Variants in NRCAM observed in about 807,000 individuals in gnomAD.
NRCAM encodes the protein neuronal cell adhesion molecule.
In NRCAM, 83 loss-of-function variants were observed where a neutral mutation model predicts 156.5. That is an observed-to-expected ratio of 0.53 (90% CI 0.44 to 0.64). The LOEUF is 0.64. Ranked by LOEUF, NRCAM falls within the 30% of genes least tolerant of loss-of-function variation. The probability of loss-of-function intolerance (pLI) is 0.00; values close to 1 mark genes in which losing one functional copy is unlikely to be tolerated. For synonymous variants in NRCAM, 538 were observed against 563.9 expected (o/e 0.95, Z 0.65); for missense variants, 1,417 against 1,597.3 (o/e 0.89, Z 1.92).
intron 2 of NRCAM, among the ~76,000 whole-genome samples, chr7:108,314,633 A>G (rs2098863379): frequency 6.6e-6 from 1 of 152,220 alleles, no homozygotes; most frequent in South Asian, 2.1e-4. Flanking sequence ...ATAATTCTGA[A>G]AAGTGAATAC....
At chr7:108,360,248 A>T (rs148972023) in intron 2 of NRCAM, among the ~76,000 whole-genome samples, 1 of 152,154 alleles carries the variant, frequency 6.6e-6, no homozygotes, top group East Asian at 1.9e-4. Flanking sequence ...GTGAGAAGGG[A>T]AAAAAAAGAT....
At chr7:108,437,957 G>GA (rs1269183847) in intron 1 of NRCAM, among the ~76,000 whole-genome samples, 1 of 142,350 alleles carries the variant, frequency 7.0e-6, no homozygotes, top group Non-Finnish European at 1.5e-5. Flanking sequence ...AATAGTTCAA[G>GA]AAAAAAAGAA....
chr7:108,432,116 G>C (rs1450480757), intron 1 of NRCAM, among the ~76,000 whole-genome samples: 2 of 152,154 alleles, frequency 1.3e-5, no homozygotes, highest in African/African-American at 2.4e-5. Context: ...GATTTGTTTG[G>C]ATCACTGTTT....
intron 2 of NRCAM, among the ~76,000 whole-genome samples, chr7:108,363,042 G>A (rs1213288597): frequency 6.6e-6 from 1 of 152,130 alleles, no homozygotes; most frequent in African/African-American, 2.4e-5. Flanking sequence ...ATGAGAGAAT[G>A]CCACAGAGAC....
chr7:108,419,125 CTT>C (rs1805746794), intron 1 of NRCAM, among the ~76,000 whole-genome samples: 1 of 152,174 alleles, frequency 6.6e-6, no homozygotes, highest in Non-Finnish European at 1.5e-5. Flanking sequence ...ATTGCTTCAT[CTT>C]TTCTTTAAGT....
At chr7:108,453,564 T>C (rs1353582066) in intron 1 of NRCAM, among the ~76,000 whole-genome samples, 2 of 152,244 alleles carry the variant, frequency 1.3e-5, no homozygotes, top group Admixed American at 6.5e-5. Flanking sequence ...TGAGCCCTAT[T>C]GCAGTTGTTT....
At chr7:108,319,801 A>G (rs1199017145) in intron 2 of NRCAM, among the ~76,000 whole-genome samples, 1 of 152,198 alleles carries the variant, frequency 6.6e-6, no homozygotes, top group Non-Finnish European at 1.5e-5. Context: ...AAATGAGAAG[A>G]AGAAAAGCAG....
chr7:108,453,548 C>G (rs1489925468), intron 1 of NRCAM, among the ~76,000 whole-genome samples: 1 of 152,184 alleles, frequency 6.6e-6, no homozygotes, highest in Admixed American at 6.5e-5. Context: ...CCCTGCATTA[C>G]GAGGCTGAGC....
rs1184952572 is a variant in NRCAM at position 108,352,865 on chromosome 7, TAA to T, written c.-173-40136_-173-40135del. Reference sequence around the variant, plus strand: ...AGTAGCCACAAATAGCTATAAAATATAAGTTTAAAAAAACCCTAACACTCACC... The same window carrying T: ...AGTAGCCACAAATAGCTATAAAATATGTTTAAAAAAACCCTAACACTCACC... On this transcript the variant is annotated intron_variant, in intron 2 of 32. Transcript: ENST00000379028. Among the ~76,000 whole-genome samples, 11 of 152,290 alleles carry T rather than the reference TAA, an allele frequency of 7.2e-5. No individual in the cohort carries two copies. In the South Asian group the frequency reaches 1.7e-3, roughly 23 times the overall value.
intron 2 of NRCAM, among the ~76,000 whole-genome samples, chr7:108,351,796 T>C (rs1245561449): frequency 2.6e-5 from 4 of 152,136 alleles, no homozygotes; most frequent in Non-Finnish European, 4.4e-5. Flanking sequence ...CTAAGGATAT[T>C]TTTGAAACAT....
chr7:108,261,231 C>A (rs2096876758), intron 3 of NRCAM, among the ~76,000 whole-genome samples: 1 of 152,120 alleles, frequency 6.6e-6, no homozygotes, highest in South Asian at 2.1e-4. Flanking sequence ...ATTATAAAAC[C>A]CACTTAAGAC....
intron 1 of NRCAM, among the ~76,000 whole-genome samples, chr7:108,410,075 A>G (rs993857592): frequency 6.6e-6 from 1 of 152,210 alleles, no homozygotes. Context: ...ATACCCAGCA[A>G]ATAGTTCCTG....
At chr7:108,277,307 C>G (rs1039943483) in intron 3 of NRCAM, among the ~76,000 whole-genome samples, 8 of 152,128 alleles carry the variant, frequency 5.3e-5, no homozygotes, top group African/African-American at 1.9e-4. Flanking sequence ...GGAAGTTCTC[C>G]TGGATAATAC....
At chr7:108,201,522 A>T (rs888943692) in intron 13 of NRCAM, among the ~76,000 whole-genome samples, 1 of 152,214 alleles carries the variant, frequency 6.6e-6, no homozygotes. Context: ...AATGCTTAAC[A>T]CTACTGAACT....
intron 2 of NRCAM, among the ~76,000 whole-genome samples, chr7:108,325,790 A>C (rs1410543151): frequency 6.6e-6 from 1 of 152,056 alleles, no homozygotes; most frequent in East Asian, 1.9e-4. Context: ...AGCATCAGTA[A>C]ATATTAGTTG....
chr7:108,333,730 T>A (rs1165385302), intron 2 of NRCAM, among the ~76,000 whole-genome samples: 1 of 152,192 alleles, frequency 6.6e-6, no homozygotes, highest in Non-Finnish European at 1.5e-5. Context: ...ACACCTATTG[T>A]TCATACAATA....
intron 12 of NRCAM, among the ~76,000 whole-genome samples, chr7:108,207,972 C>T (rs1047252993): frequency 6.6e-6 from 1 of 151,944 alleles, no homozygotes; most frequent in African/African-American, 2.4e-5. Context: ...GAGAAAATTA[C>T]ATGTACAGGT....
intron 25 of NRCAM, among the ~76,000 whole-genome samples, chr7:108,179,625 G>C (rs927571188): frequency 1.3e-5 from 2 of 152,036 alleles, no homozygotes; most frequent in Admixed American, 1.3e-4. Flanking sequence ...CCTGACTCCT[G>C]GATCAATATA....
chr7:108,222,831 G>T (rs2153685082), intron 11 of NRCAM, among the ~76,000 whole-genome samples: 1 of 152,212 alleles, frequency 6.6e-6, no homozygotes, highest in African/African-American at 2.4e-5. Flanking sequence ...CCATACCAAT[G>T]GTGTTTGCTC....
Sources: gnomAD v4.1 joint callset for allele counts (sites outside exome capture counted in the v4.1 genomes callset) on GRCh38, gnomAD v4.1.1 for gene constraint, MANE v1.5 for transcripts, NCBI Gene and HGNC (gene_info 2026-07-23, HGNC 2026-07-21) for gene names.